The following AK8 variants were observed in gnomAD, a reference collection of about 807,000 sequenced individuals.
AK8 encodes ATP-AMP transphosphorylase 8.
Under a neutral mutation model 54.6 loss-of-function variants are expected in AK8, and 44 were observed. The ratio of observed to expected loss-of-function variants is 0.81; its 90% confidence interval spans 0.63 to 1.04. The LOEUF (loss-of-function observed/expected upper bound fraction) is 1.04. Ranked by LOEUF, AK8 falls within the 50% of genes least tolerant of loss-of-function variation. The pLI is 0.00. For missense variants in AK8, 555 were observed against 613.6 expected (o/e 0.90, Z 1.01); for synonymous variants, 239 against 245.6 (o/e 0.97, Z 0.25).
chr9:132,792,763 A>G lies in AK8; in HGVS notation c.992T>C (p.Leu331Pro). 6.4e-7 allele frequency: 1 copy of G among 1,560,264 alleles called. No homozygotes were observed. The highest frequency in any genetic ancestry group is 8.7e-7 in the Non-Finnish European group (1 of 1,152,090). Residue 331 changes from leucine (L) to proline (P), a missense_variant, in exon 11 of 13, where the codon CTC (leucine) becomes CCC (proline). Physicochemically the swap from Leu to Pro is moderately conservative, Grantham distance 98. Transcript: ENST00000298545. ...GCGCTGGCTCAGCACCTTCATGAGG[A>G]GGCTGTCAGGAACTGCAGAGAAGGG... ...FEKEMAVPDS[L>P]LMKVLSQRLD...
rs1300237687 is a variant in AK8 at position 132,768,992 on chromosome 9, GAGTGAGTGCAATAC to G, written c.1121+23628_1121+23641del. 2.0e-5 allele frequency: 3 copies of G among 151,858 alleles called. No individual in the cohort carries two copies. In the East Asian group the frequency reaches 5.8e-4, roughly 29 times the overall value. 9.4% of individuals were successfully genotyped at this position (151,858 alleles called of 1,614,324 possible). A position where few individuals can be genotyped will look rare whatever the true frequency, so the allele number is the denominator to read the frequency against. On this transcript the variant is annotated intron_variant, in intron 11 of 12. Transcript: ENST00000298545. The stretch of plus-strand genomic sequence containing the variant: ...AATTGGTCCAATCATCTATTTATTA[GAGTGAGTGCAATAC>G]AGTTCCTGCCCGCATGGGGGGAAAC...
At chr9:132,774,259 C>T (rs1055851687) in intron 11 of AK8, among the ~76,000 whole-genome samples, 10 of 152,036 alleles carry the variant, frequency 6.6e-5, no homozygotes, top group African/African-American at 2.4e-4. Flanking sequence ...CCCTCCTGCT[C>T]ATGGGGGGGT....
intron 11 of AK8, among the ~76,000 whole-genome samples, chr9:132,766,236 T>A (rs1838719736): frequency 6.6e-6 from 1 of 152,164 alleles, no homozygotes; most frequent in South Asian, 2.1e-4. Flanking sequence ...CTCAGCCTCC[T>A]GAGTAGCTGG....
chr9:132,731,184 C>T (rs1836825992), intron 11 of AK8, among the ~76,000 whole-genome samples: 1 of 152,190 alleles, frequency 6.6e-6, no homozygotes, highest in Admixed American at 6.5e-5. Context: ...ATGTGGAAAT[C>T]CTGAAAGCCG....
intron 4 of AK8, among the ~76,000 whole-genome samples, chr9:132,856,965 G>A (rs538551354): frequency 7.2e-5 from 11 of 152,246 alleles, no homozygotes; most frequent in African/African-American, 1.9e-4. Context: ...ATGTTTCTAC[G>A]AGGTAGACAG....
In AK8 at chr9:132,851,908, TC is replaced by T. The variant is rs534669128; in HGVS notation, c.402+2948del. Among the ~76,000 whole-genome samples, 10 of 152,308 alleles carry T rather than the reference TC, an allele frequency of 6.6e-5. No homozygotes were observed. In the East Asian group the frequency reaches 1.9e-3, roughly 29 times the overall value. On this transcript the variant is annotated intron_variant, in intron 5 of 12. Transcript: ENST00000298545. ...TAGCGCAGGGAGAACCAGGAACATC[TC>T]TACTCACATGAGAGCAGATACAGAT...
chr9:132,803,079 T>G lies in AK8; in HGVS notation c.980-10304A>C, dbSNP rs987927683. Among the ~76,000 whole-genome samples the G allele has an allele frequency of 1.3e-5, 2 of 152,084 alleles. No homozygotes were observed. The highest frequency in any genetic ancestry group is 3.9e-4 in the East Asian group (2 of 5,164). Reference sequence around the variant, plus strand: ...TTCACATAGCGGCAGCCAGGAGAGGTGCAGAGCGAAGGGGCAGAGCGGGGG... The same window carrying G: ...TTCACATAGCGGCAGCCAGGAGAGGGGCAGAGCGAAGGGGCAGAGCGGGGG... On this transcript the variant is annotated intron_variant, in intron 10 of 12. Transcript: ENST00000298545. This position sits in a 1 kb window ranked among gnomAD's most constrained non-coding sequence, Gnocchi z 4.4.
At chr9:132,842,871 C>T (rs1275414768) in intron 5 of AK8, among the ~76,000 whole-genome samples, 1 of 152,204 alleles carries the variant, frequency 6.6e-6, no homozygotes, top group Non-Finnish European at 1.5e-5. Context: ...GGCTGGAGGC[C>T]CCTGCAGTTC....
chr9:132,794,140 T>C (rs1346421218), intron 10 of AK8, among the ~76,000 whole-genome samples: 6 of 152,210 alleles, frequency 3.9e-5, no homozygotes, highest in Non-Finnish European at 8.8e-5. Context: ...TTCTCTCTCA[T>C]GCCCTTCAGC....
chr9:132,731,671 T>C (rs527788875), intron 11 of AK8, among the ~76,000 whole-genome samples: 18 of 152,354 alleles, frequency 1.2e-4, no homozygotes, highest in African/African-American at 3.1e-4. Flanking sequence ...AATGACGAGA[T>C]GTCCTATTTA....
rs559202230 is a variant in AK8 at position 132,735,026 on chromosome 9, A to C, written c.1122-7492T>G. On this transcript the variant is annotated intron_variant, in intron 11 of 12. Transcript: ENST00000298545. ...AGCCTGGGCGACAAAGCAAGACTCCATCTCTAAATAACTAACTAAATGAAA... is the reference window on the plus strand; with the variant it reads ...AGCCTGGGCGACAAAGCAAGACTCCCTCTCTAAATAACTAACTAAATGAAA... Among the ~76,000 whole-genome samples the C allele has an allele frequency of 3.3e-5, 5 of 152,268 alleles. No individual in the cohort carries two copies. In the East Asian group the frequency reaches 9.7e-4, roughly 29 times the overall value.
At chr9:132,789,834 C>A (rs529324486) in intron 11 of AK8, among the ~76,000 whole-genome samples, 3 of 152,166 alleles carry the variant, frequency 2.0e-5, no homozygotes, top group Admixed American at 6.5e-5. Flanking sequence ...GCTTAGAAAT[C>A]TCTCTGACTT....
rs185277394 is a variant in AK8, at chr9:132,822,741, G to A, written c.889+464C>T. 3.5e-3 allele frequency among the ~76,000 whole-genome samples: 536 copies of A among 152,250 alleles called. 5 individuals are homozygous for A. Among genetic ancestry groups the A allele is most frequent in the Non-Finnish European group, 4.0e-3 (272 of 68,026 alleles). ...TTATTGAAACTGTGCGGAGTGAGAA[G>A]TCTTCCTCTGGTTCAGAAATTGTCT... is the stretch of plus-strand genomic sequence containing the variant. On this transcript the variant is annotated intron_variant, in intron 9 of 12. Coordinates refer to ENST00000298545, the MANE Select transcript of AK8 (RefSeq NM_152572.3).
At chr9:132,738,848 G>A (rs989588550) in intron 11 of AK8, among the ~76,000 whole-genome samples, 5 of 146,832 alleles carry the variant, frequency 3.4e-5, no homozygotes, top group South Asian at 2.2e-4. Context: ...TCTATCTCCC[G>A]GGCTCAAGTG....
intron 3 of AK8, among the ~76,000 whole-genome samples, chr9:132,864,233 A>G (rs1225823790): frequency 6.6e-6 from 1 of 152,136 alleles, no homozygotes; most frequent in Non-Finnish European, 1.5e-5. Context: ...TAATTACTCT[A>G]TAGTCTATAA....
chr9:132,796,826 G>C lies in AK8; in HGVS notation c.980-4051C>G, dbSNP rs1037496534. 7.3e-5 allele frequency among the ~76,000 whole-genome samples: 11 copies of C among 150,674 alleles called. 1 individual carries two copies. The East Asian group carries it at 2.2e-3, about 30-fold the overall frequency. ...ACACACACACACACACAGAGGGAGG[G>C]GGAAGGGTGGCCGCCACTTCACGCT... is the stretch of plus-strand genomic sequence containing the variant. On this transcript the variant is annotated intron_variant, in intron 10 of 12. Coordinates refer to ENST00000298545, the MANE Select transcript of AK8 (RefSeq NM_152572.3).
rs1333255918 is a variant in AK8 at position 132,860,674 on chromosome 9, G to A, written c.333+2991C>T. Among the ~76,000 whole-genome samples, 2 of 152,222 alleles carry A rather than the reference G, an allele frequency of 1.3e-5. No homozygotes were observed. Among genetic ancestry groups the A allele is most frequent in the Admixed American group, 1.3e-4 (2 of 15,280 alleles). ...AGAGACACTGCCAGTTATTAATCAT[G>A]CCCTGGCCATTTGGGATAGGTGGCT... is the stretch of plus-strand genomic sequence containing the variant. On this transcript the variant is annotated intron_variant, in intron 4 of 12. Coordinates refer to ENST00000298545, the MANE Select transcript of AK8 (RefSeq NM_152572.3). The surrounding 1 kb of genome is among the most constrained non-coding windows in gnomAD (Gnocchi z 4.4).
chr9:132,833,818 G>C (rs529303984), intron 5 of AK8, among the ~76,000 whole-genome samples: 122 of 152,388 alleles, frequency 8.0e-4, no homozygotes, highest in African/African-American at 2.9e-3. Flanking sequence ...GGCTTTGTGC[G>C]AACACTGGCC....
intron 9 of AK8, among the ~76,000 whole-genome samples, chr9:132,821,385 G>C (rs1208379408): frequency 6.6e-6 from 1 of 152,096 alleles, no homozygotes; most frequent in African/African-American, 2.4e-5. Flanking sequence ...AACACTGCTG[G>C]AAATTTCATC....
Sources: gnomAD v4.1 joint callset for allele counts (sites outside exome capture counted in the v4.1 genomes callset) on GRCh38, gnomAD v4.1.1 for gene constraint, Gnocchi (gnomAD v3.1) non-coding constraint, MANE v1.5 for transcripts, NCBI Gene and HGNC (gene_info 2026-07-23, HGNC 2026-07-21) for gene names.